The following REV3L variants were observed in gnomAD, a reference collection of about 807,000 sequenced individuals.
REV3L encodes the protein DNA polymerase zeta catalytic subunit.
In REV3L, 69 loss-of-function variants were observed where a neutral mutation model predicts 299.4. The ratio of observed to expected loss-of-function variants is 0.23; its 90% CI spans 0.19 to 0.28. REV3L has a LOEUF of 0.28. Among genes scored for constraint, REV3L ranks in the 10% least tolerant of loss-of-function variants. The pLI, the probability that REV3L is intolerant of heterozygous loss-of-function variation, is 1.00. For synonymous variants in REV3L, 1,238 were observed against 1,271.4 expected, an observed-to-expected ratio of 0.97 and a Z score of 0.56; for missense variants, 3,128 against 3,693.8, an observed-to-expected ratio of 0.85 and a Z score of 3.97.
chr6:111,443,297 G>A (rs1012927327), intron 1 of REV3L, among the ~76,000 whole-genome samples: 1 of 151,778 alleles, frequency 6.6e-6, no homozygotes, highest in Admixed American at 6.6e-5. Context: ...TACAGGCGCC[G>A]CCACCTCGCC....
intron 1 of REV3L, 106 bp downstream of exon 1, chr6:111,482,644 A>T: frequency 1.5e-6 from 1 of 653,026 alleles, no homozygotes; most frequent in Non-Finnish European, 2.0e-6. Context: ...GCAGCGATCC[A>T]CGGAGACGGC....
intron 1 of REV3L, among the ~76,000 whole-genome samples, chr6:111,455,938 T>C (rs772971606): frequency 6.6e-6 from 1 of 152,192 alleles, no homozygotes; most frequent in Non-Finnish European, 1.5e-5. Flanking sequence ...TTCCTTAAGA[T>C]AGAGCATCAT....
chr6:111,448,264 C>T (rs1271560239), intron 1 of REV3L, among the ~76,000 whole-genome samples: 1 of 152,148 alleles, frequency 6.6e-6, no homozygotes, highest in Non-Finnish European at 1.5e-5. Flanking sequence ...CTTGTTTATA[C>T]CATGCAACGA....
chr6:111,371,452 G>A (rs767153351), intron 13 of REV3L, among the ~76,000 whole-genome samples: 18 of 151,968 alleles, frequency 1.2e-4, no homozygotes, highest in Admixed American at 2.0e-4. Context: ...ATGCAGCGGC[G>A]TGAACACAGC....
chr6:111,460,525 C>T (rs1790643704), intron 1 of REV3L: 1 of 151,670 alleles, frequency 6.6e-6, no homozygotes, highest in African/African-American at 2.4e-5. Context: ...AAAGGCAATC[C>T]AGAATTCTAT....
intron 24 of REV3L, chr6:111,330,937 C>T: frequency 2.1e-6 from 2 of 964,146 alleles, no homozygotes; most frequent in Non-Finnish European, 2.5e-6. Context: ...AGTATTCCCT[C>T]TTACTGGTAG....
At chr6:111,308,232 G>A (rs1157969154) in intron 30 of REV3L, 1 of 453,206 alleles carries the variant, frequency 2.2e-6, no homozygotes, top group Admixed American at 2.4e-5. Flanking sequence ...TGTGAATAGT[G>A]CCGCAATAAA....
At chr6:111,433,536 T>C (rs1408929599) in intron 1 of REV3L, among the ~76,000 whole-genome samples, 2 of 152,056 alleles carry the variant, frequency 1.3e-5, no homozygotes, top group Admixed American at 1.3e-4. Context: ...AATACACCAA[T>C]AATGAGTAAG....
At chr6:111,445,702 G>C (rs993673523) in intron 1 of REV3L, among the ~76,000 whole-genome samples, 1 of 152,136 alleles carries the variant, frequency 6.6e-6, no homozygotes, top group African/African-American at 2.4e-5. Context: ...AAAATGCTTA[G>C]GGAGCCCCCC....
Position 111,335,368 on chromosome 6 carries a change from G to A in REV3L, c.7680+101C>T, listed in dbSNP as rs1022129290. The A allele has an allele frequency of 1.0e-5, 13 of 1,272,432 alleles. No homozygotes were observed. The African/African-American group carries it at 1.7e-4, about 16-fold the overall frequency. 78.8% of individuals were successfully genotyped at this position (1,272,432 alleles called of 1,614,324 possible). ...TTAATTACCCAGCTATTGATTAGTT[G>A]GTACCAAACAGAAAGTTTAAAAAGT... On this transcript the variant is annotated intron_variant, in intron 22 of 31. Coordinates refer to ENST00000368802, the MANE Select transcript of REV3L (RefSeq NM_001372078.1).
At chr6:111,459,061 C>T (rs1790466109) in intron 1 of REV3L, among the ~76,000 whole-genome samples, 1 of 152,068 alleles carries the variant, frequency 6.6e-6, no homozygotes, top group Non-Finnish European at 1.5e-5. Flanking sequence ...ACCAAAACAG[C>T]ACAGTACTGG....
chr6:111,374,106 G>T lies in REV3L; in HGVS notation c.4249C>A (p.Pro1417Thr). 1.2e-6 allele frequency: 2 copies of T among 1,614,074 alleles called. No homozygotes were observed. The highest frequency in any genetic ancestry group is 2.7e-5 in the African/African-American group (2 of 75,014). The change falls in exon 13 of 32, where the codon CCT becomes ACT. Residue 1417 changes from proline to threonine, a missense_variant. This residue lies in a region of REV3L where 2,409 missense variants were observed against 2,611.8 expected (regional missense o/e 0.92). Transcript: ENST00000368802. The stretch of plus-strand genomic sequence containing the variant: ...CTGTCTTTGCAATGCAAAAAATTAG[G>T]GGTATATGCTTGGTCCAGCTTTGAT... ...LESKLDQAYT[P>T]NFLHCKDSQQ...
chr6:111,349,095 G>T (rs964273123), intron 20 of REV3L, 123 bp downstream of exon 20: 46 of 567,908 alleles, frequency 8.1e-5, no homozygotes, highest in Middle Eastern at 4.2e-4. Flanking sequence ...CTCTACTTAA[G>T]TATAACAGTA....
At chr6:111,426,392 T>G (rs974301251) in intron 1 of REV3L, among the ~76,000 whole-genome samples, 3 of 152,206 alleles carry the variant, frequency 2.0e-5, no homozygotes, top group African/African-American at 2.4e-5. Flanking sequence ...TTATAAACAA[T>G]GAAGATATGT....
intron 16 of REV3L, 75 bp from the exon 17 acceptor site, chr6:111,359,089 G>A (rs1468307993): frequency 7.3e-6 from 9 of 1,232,340 alleles, no homozygotes; most frequent in Middle Eastern, 2.6e-4. Flanking sequence ...TAAGGCTCTA[G>A]GGAAATATGT....
intron 21 of REV3L, among the ~76,000 whole-genome samples, chr6:111,342,271 G>A (rs778664167): frequency 9.2e-5 from 14 of 152,126 alleles, no homozygotes; most frequent in African/African-American, 1.2e-4. Flanking sequence ...GCCCCAGGGG[G>A]AGGGTCAGGA....
chr6:111,372,905 G>T lies in REV3L; in HGVS notation c.5450C>A (p.Ser1817Tyr). ...MGQSLDSANT[S>Y]FTAILSSPDG... ...AGGGGAGGAGAGTATTGCAGTAAAA[G>T]AGGTATTGGCTGAGTCAAGAGACTG... Residue 1817 changes from serine (S) to tyrosine (Y), a missense_variant, in exon 13 of 32, where the codon TCT becomes TAT. Physicochemically the swap from Ser to Tyr is moderately radical, Grantham distance 144 (BLOSUM62 -2). Transcript: ENST00000368802. 6.2e-7 allele frequency: 1 copy of T among 1,614,126 alleles called. No individual in the cohort carries two copies. The highest frequency in any genetic ancestry group is 8.5e-7 in the Non-Finnish European group (1 of 1,180,008).
At chr6:111,389,338 A>G (rs1781669045) in intron 6 of REV3L, 128 bp from the exon 7 acceptor site, 1 of 695,496 alleles carries the variant, frequency 1.4e-6, no homozygotes, top group Non-Finnish European at 2.4e-6. Context: ...AAAGTGGACA[A>G]ATTATCCCAA....
At chr6:111,460,276 G>C (rs1161294538) in intron 1 of REV3L, 1 of 152,064 alleles carries the variant, frequency 6.6e-6, no homozygotes, top group Non-Finnish European at 1.5e-5. Context: ...AGATGGGAGA[G>C]GGAGGCAAGG....
Sources: gnomAD v4.1 joint callset for allele counts (sites outside exome capture counted in the v4.1 genomes callset) on GRCh38, gnomAD v4.1.1 for gene constraint, gnomAD v4.1.1 regional missense constraint, MANE v1.5 for transcripts, NCBI Gene and HGNC (gene_info 2026-07-23, HGNC 2026-07-21) for gene names.